GRIP2: variants seen among roughly 807,000 people sequenced by gnomAD.
The protein encoded by GRIP2 is glutamate receptor interacting protein 2.
Under a neutral mutation model 108.3 loss-of-function variants are expected in GRIP2, and 58 were observed. The observed-to-expected ratio is 0.54, with a 90% CI of 0.43 to 0.67. The LOEUF (loss-of-function observed/expected upper bound fraction) is 0.67. Ranked by LOEUF, GRIP2 falls within the 30% of genes least tolerant of loss-of-function variation. The probability of loss-of-function intolerance (pLI) is 0.00; values close to 1 mark genes in which losing one functional copy is unlikely to be tolerated. For synonymous variants in GRIP2, 586 were observed against 598.2 expected (o/e 0.98, Z 0.30); for missense variants, 1,278 against 1,430.6 (o/e 0.89, Z 1.72).
chr3:14,568,281 C>T, the GRIP2 span, among the ~76,000 whole-genome samples: 26 of 152,230 alleles, frequency 1.7e-4, no homozygotes, highest in Admixed American at 1.6e-3. Context: ...GTGAAGAGGC[C>T]ACTGCAACCA....
upstream of GRIP2, among the ~76,000 whole-genome samples, chr3:14,558,407 C>T (rs184950517): frequency 8.5e-4 from 129 of 152,288 alleles, 1 homozygote; most frequent in Non-Finnish European, 1.5e-3. Flanking sequence ...TGGCAGAGCA[C>T]GGTTGGGAGC....
the GRIP2 span, among the ~76,000 whole-genome samples, chr3:14,585,198 T>C: frequency 6.6e-6 from 1 of 152,150 alleles, no homozygotes; most frequent in Non-Finnish European, 1.5e-5. Context: ...AATTTTTGTA[T>C]TTTTGGTAGA....
At chr3:14,598,480 T>TAA in the GRIP2 span, among the ~76,000 whole-genome samples, 2 of 149,366 alleles carry the variant, frequency 1.3e-5, no homozygotes, top group Non-Finnish European at 3.0e-5. Context: ...AGCCTTTGGT[T>TAA]AACTACGTTG....
chr3:14,594,636 C>T, the GRIP2 span, among the ~76,000 whole-genome samples: 3 of 152,296 alleles, frequency 2.0e-5, no homozygotes, highest in Admixed American at 1.3e-4. Context: ...TCCAAAGGAC[C>T]CTGCAGGAGC....
chr3:14,524,232 T>C (rs1694490464), intron 4 of GRIP2, 161 bp downstream of exon 4: 1 of 742,690 alleles, frequency 1.3e-6, no homozygotes, highest in Non-Finnish European at 2.1e-6. Flanking sequence ...ACTGCGGTTG[T>C]AGGCACAGCC....
intron 11 of GRIP2, 126 bp from the exon 12 acceptor site, chr3:14,514,604 T>C: frequency 1.1e-6 from 1 of 930,022 alleles, no homozygotes; most frequent in South Asian, 1.8e-5. Flanking sequence ...CCTGACTCAG[T>C]CTGGGACCAG....
At chr3:14,540,713 A>C (rs567874718), upstream of GRIP2, among the ~76,000 whole-genome samples, 1 of 151,354 alleles carries the variant, frequency 6.6e-6, no homozygotes. This position sits in a 1 kb window ranked among gnomAD's most constrained non-coding sequence, Gnocchi z 4.1. Flanking sequence ...TTTTTTTTCT[A>C]AACGGCAGAT....
At chr3:14,497,077 T>G (rs1054890073) in intron 21 of GRIP2, among the ~76,000 whole-genome samples, 8 of 151,726 alleles carry the variant, frequency 5.3e-5, no homozygotes, top group African/African-American at 1.9e-4. Flanking sequence ...TTCTCCTGCC[T>G]CATCCTCCTG....
At chr3:14,552,841 C>G (rs979147705) in intron 1 of GRIP2, among the ~76,000 whole-genome samples, 2 of 152,064 alleles carry the variant, frequency 1.3e-5, no homozygotes, top group Non-Finnish European at 2.9e-5. Context: ...GATCTGCCCA[C>G]CTCAGACTCC....
chr3:14,520,044 G>A (rs150493402), intron 9 of GRIP2, 66 bp downstream of exon 9: 15,686 of 1,451,764 alleles, frequency 0.011, 127 homozygotes, highest in Non-Finnish European at 0.013. Context: ...CAGGGCTCTG[G>A]TCCCAGGCCT....
the GRIP2 span, among the ~76,000 whole-genome samples, chr3:14,571,141 G>A: frequency 6.6e-6 from 1 of 152,176 alleles, no homozygotes. Flanking sequence ...AGAACGGCTG[G>A]TTTGGACGTT....
chr3:14,540,142 G>T lies in GRIP2; in HGVS notation c.40+127C>A. ...AAGTGTCCTGCCCCACCCTCCCCAA[G>T]CCCTGGGTCTCCAGGGAGTGGCAGT... On this transcript the variant is annotated intron_variant, in intron 1 of 23. Coordinates refer to ENST00000621039, the MANE Select transcript of GRIP2 (RefSeq NM_001080423.4). This position sits in a 1 kb window ranked among gnomAD's most constrained non-coding sequence, Gnocchi z 4.1. 2.5e-6 allele frequency: 3 copies of T among 1,195,876 alleles called. No homozygotes were observed. The highest frequency in any genetic ancestry group is 3.5e-6 in the Non-Finnish European group (3 of 853,438). 74.1% of individuals were successfully genotyped at this position (1,195,876 alleles called of 1,614,324 possible).
At chr3:14,496,978 T>TTTTTA (rs1693626189) in intron 21 of GRIP2, among the ~76,000 whole-genome samples, 1 of 151,304 alleles carries the variant, frequency 6.6e-6, no homozygotes, top group Non-Finnish European at 1.5e-5. Context: ...TTTTTTTTTT[T>TTTTTA]GAGACAAAGT....
At chr3:14,549,505 C>T (rs2124976328) in intron 1 of GRIP2, among the ~76,000 whole-genome samples, 2 of 152,274 alleles carry the variant, frequency 1.3e-5, no homozygotes, top group Middle Eastern at 6.8e-3. Flanking sequence ...CCATTCACCC[C>T]GTTATTCTGG....
chr3:14,501,792 C>G (rs1009497559), intron 21 of GRIP2, among the ~76,000 whole-genome samples: 1 of 152,100 alleles, frequency 6.6e-6, no homozygotes, highest in African/African-American at 2.4e-5. Flanking sequence ...ACCATACACA[C>G]ATATCACTTA....
chr3:14,578,556 A>C, the GRIP2 span, among the ~76,000 whole-genome samples: 1 of 152,082 alleles, frequency 6.6e-6, no homozygotes, highest in Non-Finnish European at 1.5e-5. Flanking sequence ...GTCTCTACTA[A>C]AAATACAAAA....
intron 1 of GRIP2, among the ~76,000 whole-genome samples, chr3:14,548,204 G>A (rs1440769287): frequency 6.6e-6 from 1 of 152,218 alleles, no homozygotes; most frequent in Non-Finnish European, 1.5e-5. Flanking sequence ...CCACCAAAAG[G>A]GGCCCTAAAG....
chr3:14,552,634 CTT>C (rs35588712), intron 1 of GRIP2, among the ~76,000 whole-genome samples: 29,166 of 128,664 alleles, frequency 0.23, 3,447 homozygotes, highest in South Asian at 0.38. Flanking sequence ...CTCTCTCTCT[CTT>C]TTTTTTTTTT....
intron 1 of GRIP2, among the ~76,000 whole-genome samples, chr3:14,535,497 C>T (rs1160675082): frequency 6.6e-6 from 1 of 152,218 alleles, no homozygotes; most frequent in Admixed American, 6.5e-5. Flanking sequence ...ATGATGATGG[C>T]TCCTAGTGAT....
Sources: gnomAD v4.1 joint callset for allele counts (sites outside exome capture counted in the v4.1 genomes callset) on GRCh38, gnomAD v4.1.1 for gene constraint, Gnocchi (gnomAD v3.1) non-coding constraint, MANE v1.5 for transcripts, NCBI Gene and HGNC (gene_info 2026-07-23, HGNC 2026-07-21) for gene names.